Variants in RSU1 observed in about 807,000 individuals in gnomAD.
The protein encoded by RSU1 is Ras suppressor protein 1.
Under a neutral mutation model 31.1 loss-of-function variants are expected in RSU1, and 26 were observed. That is an observed-to-expected ratio of 0.84 (90% confidence interval 0.61 to 1.16). The LOEUF (loss-of-function observed/expected upper bound fraction) is 1.16. Among genes scored for constraint, RSU1 ranks in the 50% most tolerant of loss-of-function variants. The pLI is 0.00. For missense variants in RSU1, 320 were observed against 339.1 expected (o/e 0.94, Z 0.44); for synonymous variants, 164 against 136.3 (o/e 1.20, Z -1.41).
chr10:16,730,729 A>G (rs1836491381), intron 7 of RSU1, among the ~76,000 whole-genome samples: 1 of 152,246 alleles, frequency 6.6e-6, no homozygotes, highest in South Asian at 2.1e-4. Flanking sequence ...ATCACTGAGA[A>G]TCCCAACATA....
intron 2 of RSU1, among the ~76,000 whole-genome samples, chr10:16,784,504 AG>A (rs1837729260): frequency 6.6e-6 from 1 of 152,210 alleles, no homozygotes; most frequent in East Asian, 1.9e-4. Context: ...TTATGGTGGA[AG>A]GCAAAGCTGG....
At chr10:16,728,416 C>T (rs943233490) in intron 7 of RSU1, among the ~76,000 whole-genome samples, 1 of 152,160 alleles carries the variant, frequency 6.6e-6, no homozygotes, top group Non-Finnish European at 1.5e-5. Flanking sequence ...AGACCCAAAT[C>T]CCAGTGGAAT....
At chr10:16,671,614 C>T (rs1835106042) in intron 8 of RSU1, among the ~76,000 whole-genome samples, 1 of 151,374 alleles carries the variant, frequency 6.6e-6, no homozygotes, top group Non-Finnish European at 1.5e-5. Flanking sequence ...ACACCTGACT[C>T]AAAGGTGTTT....
intron 7 of RSU1, among the ~76,000 whole-genome samples, chr10:16,728,144 C>T (rs900815371): frequency 6.6e-6 from 1 of 152,178 alleles, no homozygotes; most frequent in African/African-American, 2.4e-5. Context: ...CTGGACATGA[C>T]ATCTTTGGTT....
At chr10:16,809,448 G>A (rs995358991) in intron 2 of RSU1, among the ~76,000 whole-genome samples, 1 of 152,192 alleles carries the variant, frequency 6.6e-6, no homozygotes, top group Non-Finnish European at 1.5e-5. Flanking sequence ...GCAAAGCTCT[G>A]TGTGGAGATG....
intron 7 of RSU1, among the ~76,000 whole-genome samples, chr10:16,726,675 C>A (rs539900962): frequency 3.3e-5 from 5 of 152,234 alleles, no homozygotes; most frequent in South Asian, 2.1e-4. Flanking sequence ...TGGTTGAAAA[C>A]AATGAATATA....
At chr10:16,757,561 C>T (rs541819837) in intron 4 of RSU1, among the ~76,000 whole-genome samples, 8 of 152,196 alleles carry the variant, frequency 5.3e-5, no homozygotes, top group Non-Finnish European at 8.8e-5. Context: ...GCAAGGACTT[C>T]GCTTGTTCAC....
At chr10:16,776,693 AG>A (rs1837539947) in intron 3 of RSU1, among the ~76,000 whole-genome samples, 1 of 151,940 alleles carries the variant, frequency 6.6e-6, no homozygotes, top group Non-Finnish European at 1.5e-5. Flanking sequence ...ACTTTTGAAA[AG>A]TTTTACATAA....
At chr10:16,660,745 C>T (rs866195167) in intron 8 of RSU1, among the ~76,000 whole-genome samples, 1 of 145,720 alleles carries the variant, frequency 6.9e-6, no homozygotes, top group South Asian at 2.3e-4. Flanking sequence ...TTCCTGGGCT[C>T]AAAGTGATCC....
At chr10:16,808,758 C>G (rs1264834004) in intron 2 of RSU1, among the ~76,000 whole-genome samples, 3 of 152,194 alleles carry the variant, frequency 2.0e-5, no homozygotes, top group Non-Finnish European at 4.4e-5. Flanking sequence ...CCAAATACCT[C>G]AACATGTGAC....
chr10:16,716,672 T>A (rs79061263), intron 7 of RSU1, among the ~76,000 whole-genome samples: 1 of 151,976 alleles, frequency 6.6e-6, no homozygotes, highest in Non-Finnish European at 1.5e-5. Flanking sequence ...CGTATACAAA[T>A]ACACTATTGA....
chr10:16,698,847 A>G (rs936788841), intron 7 of RSU1, among the ~76,000 whole-genome samples: 1 of 152,216 alleles, frequency 6.6e-6, no homozygotes, highest in Admixed American at 6.5e-5. Context: ...ACCCATCTGC[A>G]TATTTTAGCT....
At chr10:16,808,131 G>A (rs1434696393) in intron 2 of RSU1, among the ~76,000 whole-genome samples, 3 of 151,928 alleles carry the variant, frequency 2.0e-5, no homozygotes, top group Admixed American at 2.0e-4. Flanking sequence ...GCCCTTCGGG[G>A]CTAGGATACA....
chr10:16,645,910 GTA>G lies in RSU1; in HGVS notation c.731+49111_731+49112del, dbSNP rs1370821633. On this transcript the variant is annotated intron_variant, in intron 8 of 8. Coordinates refer to ENST00000345264, the MANE Select transcript of RSU1 (RefSeq NM_012425.4). Reference sequence around the variant, plus strand: ...TACATATATGTATATACACATATATGTATATATATGTGTATATACACATATGT... The same window carrying G: ...TACATATATGTATATACACATATATGTATATATGTGTATATACACATATGT... 6.4e-4 allele frequency among the ~76,000 whole-genome samples: 24 copies of G among 37,560 alleles called. 2 individuals are homozygous for G. Among genetic ancestry groups the G allele is most frequent in the East Asian group, 3.2e-3 (6 of 1,886 alleles). 24.6% of individuals were successfully genotyped at this position (37,560 alleles called of 152,430 possible). A position where few individuals can be genotyped will look rare whatever the true frequency, so the allele number is the denominator to read the frequency against.
At position 16,782,062 on chromosome 10, in the gene RSU1, T is replaced by C. The variant is rs1009668329; in HGVS notation, c.132A>G (p.Gln44=). The change falls in exon 3 of 9, where the codon CAA becomes CAG. Residue 44 remains glutamine (Q), a synonymous_variant. Transcript: ENST00000345264. ...NGLFTLSHIT[Q]LVLSHNKLTM... is the part of the protein sequence containing the mutation. ...TTAGCTTGTTATGGCTGAGGACCAG[T>C]TGTGTGATATGGGATAAGGTAACTA... The C allele has an allele frequency of 2.5e-6, 4 of 1,612,898 alleles. No homozygotes were observed. In the East Asian group the frequency reaches 6.7e-5, roughly 27 times the overall value.
intron 7 of RSU1, among the ~76,000 whole-genome samples, chr10:16,713,203 G>A (rs905503038): frequency 6.6e-6 from 1 of 152,100 alleles, no homozygotes; most frequent in Non-Finnish European, 1.5e-5. Flanking sequence ...AATCTAACTG[G>A]GGACCTCTGA....
chr10:16,643,508 C>T (rs567466823), intron 8 of RSU1, among the ~76,000 whole-genome samples: 23 of 152,184 alleles, frequency 1.5e-4, no homozygotes, highest in Middle Eastern at 6.8e-3. Context: ...TATTGGAACT[C>T]TTATTGCCTT....
intron 7 of RSU1, among the ~76,000 whole-genome samples, chr10:16,730,775 T>C (rs1836492374): frequency 6.6e-6 from 1 of 152,230 alleles, no homozygotes; most frequent in Non-Finnish European, 1.5e-5. Flanking sequence ...CATTTATTTA[T>C]GCACCTATGT....
chr10:16,595,449 G>A (rs1833595436), intron 8 of RSU1, among the ~76,000 whole-genome samples: 1 of 152,164 alleles, frequency 6.6e-6, no homozygotes, highest in African/African-American at 2.4e-5. Flanking sequence ...TTCAGAGCTG[G>A]CCAGAGACAG....
Sources: allele counts gnomAD v4.1 joint callset (sites outside exome capture counted in the v4.1 genomes callset), GRCh38; gene constraint gnomAD v4.1.1; transcripts MANE v1.5; gene names NCBI Gene and HGNC (gene_info 2026-07-23, HGNC 2026-07-21).